The following TMTC1 variants were observed in gnomAD, a reference collection of about 807,000 sequenced individuals.
The protein encoded by TMTC1 is transmembrane O-mannosyltransferase targeting cadherins 1.
In TMTC1, 73 loss-of-function variants were observed where a neutral mutation model predicts 104.8. That is an observed-to-expected ratio of 0.70 (90% confidence interval 0.58 to 0.85). The LOEUF (loss-of-function observed/expected upper bound fraction) is 0.85. TMTC1 is among the 40% of genes least tolerant of loss of function. TMTC1 has a pLI of 0.00. For missense variants in TMTC1, 1,035 were observed against 1,096.1 expected, an observed-to-expected ratio of 0.94 and a Z score of 0.79; for synonymous variants, 434 against 428.7, an observed-to-expected ratio of 1.01 and a Z score of -0.15.
intron 6 of TMTC1, among the ~76,000 whole-genome samples, chr12:29,609,229 T>A (rs1461246398): frequency 6.6e-6 from 1 of 152,158 alleles, no homozygotes. Context: ...ATCCTAAGGA[T>A]TTATTTGGCA....
chr12:29,506,896 C>G lies in TMTC1; in HGVS notation c.2599G>C (p.Asp867His). 6.2e-7 allele frequency: 1 copy of G among 1,614,128 alleles called. No individual in the cohort carries two copies. The highest frequency in any genetic ancestry group is 8.5e-7 in the Non-Finnish European group (1 of 1,179,996). Residue 867 changes from aspartate (D) to histidine (H), a missense_variant, in exon 18 of 18, where the codon GAT becomes CAT. Coordinates refer to ENST00000539277, the MANE Select transcript of TMTC1 (RefSeq NM_001193451.2). ...KLLKENLAKL[D>H]RLEKRLQEVR... ...TCTTGTAATCGTTTTTCTAGGCGAT[C>G]CAATTTGGCAAGATTTTCCTTCAGC...
intron 5 of TMTC1, among the ~76,000 whole-genome samples, chr12:29,692,462 G>A (rs1427558484): frequency 6.9e-6 from 1 of 144,694 alleles, no homozygotes; most frequent in East Asian, 2.3e-4. Flanking sequence ...CACTTCCCAC[G>A]CACTAGAGTG....
intron 2 of TMTC1, among the ~76,000 whole-genome samples, chr12:29,765,386 T>C (rs12231167): frequency 0.39 from 59,944 of 151,868 alleles, 12,373 homozygotes; most frequent in Admixed American, 0.54. Flanking sequence ...TAAACATGAA[T>C]AGGCTCTTCT....
intron 5 of TMTC1, among the ~76,000 whole-genome samples, chr12:29,740,062 G>A (rs891466334): frequency 1.3e-5 from 2 of 152,108 alleles, no homozygotes; most frequent in South Asian, 4.1e-4. Context: ...TGTGGCCCAG[G>A]CTGAAGTGCA....
At chr12:29,669,479 G>T (rs762383645) in intron 5 of TMTC1, among the ~76,000 whole-genome samples, 1 of 152,160 alleles carries the variant, frequency 6.6e-6, no homozygotes, top group Non-Finnish European at 1.5e-5. Flanking sequence ...CCATAACAAA[G>T]AACAAGAGGT....
At chr12:29,635,593 A>G (rs1270263784) in intron 5 of TMTC1, among the ~76,000 whole-genome samples, 1 of 152,246 alleles carries the variant, frequency 6.6e-6, no homozygotes, top group African/African-American at 2.4e-5. Flanking sequence ...AGAACTGACT[A>G]ATCAACTTTA....
At chr12:29,591,868 C>A (rs1946291896) in intron 7 of TMTC1, among the ~76,000 whole-genome samples, 1 of 152,000 alleles carries the variant, frequency 6.6e-6, no homozygotes, top group African/African-American at 2.4e-5. Flanking sequence ...ATAGTTAGTA[C>A]AAATGTACTT....
chr12:29,680,685 A>C (rs1940884466), intron 5 of TMTC1, among the ~76,000 whole-genome samples: 1 of 152,168 alleles, frequency 6.6e-6, no homozygotes. Flanking sequence ...GAATGTGTTA[A>C]TTCTTGTAAT....
At chr12:29,724,944 G>A (rs1242551960) in intron 5 of TMTC1, among the ~76,000 whole-genome samples, 6 of 149,326 alleles carry the variant, frequency 4.0e-5, no homozygotes, top group African/African-American at 1.2e-4. Flanking sequence ...AAAATGGCAC[G>A]AAGTTCAAAT....
rs1467525561 is a variant in TMTC1 at position 29,755,833 on chromosome 12, A to G, written c.607T>C (p.Phe203Leu). Reference sequence around the variant, plus strand: ...AGAAACAAACTGAGCAGCAAGAAGAAGGGAGACACCGTGGAAGGGAAACTT... The same window carrying G: ...AGAAACAAACTGAGCAGCAAGAAGAGGGGAGACACCGTGGAAGGGAAACTT... Reference protein sequence around the residue: ...GGSFPSTVSPFFLLLSLFLGT... With the variant: ...GGSFPSTVSPLFLLLSLFLGT... The change falls in exon 4 of 18, where the codon TTC becomes CTC. Residue 203 changes from phenylalanine to leucine, a missense_variant. Coordinates refer to ENST00000539277, the MANE Select transcript of TMTC1 (RefSeq NM_001193451.2). 6.2e-7 allele frequency: 1 copy of G among 1,614,092 alleles called. No homozygotes were observed. Among genetic ancestry groups the G allele is most frequent in the Non-Finnish European group, 8.5e-7 (1 of 1,180,028 alleles).
At chr12:29,748,110 T>C (rs1004075603) in intron 5 of TMTC1, among the ~76,000 whole-genome samples, 5 of 152,336 alleles carry the variant, frequency 3.3e-5, no homozygotes, top group East Asian at 1.9e-4. Context: ...AAAACATATA[T>C]GACAACTTTC....
chr12:29,642,924 C>CAA (rs990368132), intron 5 of TMTC1, among the ~76,000 whole-genome samples: 1 of 136,138 alleles, frequency 7.3e-6, no homozygotes. Context: ...GACTCCATCT[C>CAA]AAAAAAAAAA....
chr12:29,519,355 T>C (rs1047680052), intron 12 of TMTC1: 44 of 152,274 alleles, frequency 2.9e-4, no homozygotes, highest in African/African-American at 9.9e-4. Flanking sequence ...GACACTAAAG[T>C]GCAAAGATAT....
intron 5 of TMTC1, among the ~76,000 whole-genome samples, chr12:29,738,937 G>A (rs1227854041): frequency 1.3e-5 from 2 of 152,118 alleles, no homozygotes; most frequent in East Asian, 3.8e-4. Context: ...TTTTATATGA[G>A]ACAACCTCAA....
At position 29,555,951 on chromosome 12, in the gene TMTC1, T is replaced by C. The variant is rs1488314925; in HGVS notation, c.1676+906A>G. The stretch of plus-strand genomic sequence containing the variant: ...CTTACACTCCCACCAACAGCAACCA[T>C]GTGGATTGTCAGCATTCTGACAAGC... On this transcript the variant is annotated intron_variant, in intron 10 of 17. Transcript: ENST00000539277. Among the ~76,000 whole-genome samples, 6 of 152,204 alleles carry C rather than the reference T, an allele frequency of 3.9e-5. 1 individual carries two copies. The highest frequency in any genetic ancestry group is 4.1e-4 in the South Asian group (2 of 4,832).
At position 29,501,821 on chromosome 12, in the gene TMTC1, T is replaced by C. The variant is rs930685898; in HGVS notation, c.*5025A>G. ...AAAAGATCAATTAAAATCAATATTTTAATATCAGCCAATTGATTGTTATAA... is the reference window on the plus strand; with the variant it reads ...AAAAGATCAATTAAAATCAATATTTCAATATCAGCCAATTGATTGTTATAA... On this transcript the variant is annotated 3_prime_UTR_variant, in exon 18 of 18. Transcript: ENST00000539277. 1.1e-4 allele frequency: 16 copies of C among 152,190 alleles called. No homozygotes were observed. The highest frequency in any genetic ancestry group is 3.4e-4 in the African/African-American group (14 of 41,454). The allele number at this position is 152,190 out of a possible 1,614,324, so 9.4% of individuals were successfully genotyped here.
chr12:29,703,880 A>T (rs1170821243), intron 5 of TMTC1, among the ~76,000 whole-genome samples: 1 of 152,164 alleles, frequency 6.6e-6, no homozygotes, highest in Non-Finnish European at 1.5e-5. Context: ...TTCTGGCTTT[A>T]CTTAGTGATA....
chr12:29,742,825 T>C lies in TMTC1; in HGVS notation c.938+8841A>G, dbSNP rs371771551. Reference sequence around the variant, plus strand: ...TGGCCATCATTGCTACATGAATGTTTTTCTCTTATCATCTATTTCCCTCTA... The same window carrying C: ...TGGCCATCATTGCTACATGAATGTTCTTCTCTTATCATCTATTTCCCTCTA... On this transcript the variant is annotated intron_variant, in intron 5 of 17. Transcript: ENST00000539277. Among the ~76,000 whole-genome samples the C allele has an allele frequency of 5.9e-5, 9 of 152,216 alleles. No homozygotes were observed. In the East Asian group the frequency reaches 1.5e-3, roughly 26 times the overall value.
chr12:29,725,235 C>G (rs980040134), intron 5 of TMTC1, among the ~76,000 whole-genome samples: 1 of 151,644 alleles, frequency 6.6e-6, no homozygotes, highest in Non-Finnish European at 1.5e-5. Context: ...CCATGTTGGC[C>G]AGGCTGGTCT....
Sources: allele counts gnomAD v4.1 joint callset (sites outside exome capture counted in the v4.1 genomes callset), GRCh38; gene constraint gnomAD v4.1.1; transcripts MANE v1.5; gene names NCBI Gene and HGNC (gene_info 2026-07-23, HGNC 2026-07-21).